EIF4A3: variants seen among roughly 807,000 people sequenced by gnomAD.
EIF4A3 encodes the protein eukaryotic translation initiation factor 4A3.
Under a neutral mutation model 55.6 loss-of-function variants are expected in EIF4A3, and 1 was observed. That is an observed-to-expected ratio of 0.02 (90% CI 0.01 to 0.09). EIF4A3 has a LOEUF of 0.09. EIF4A3 is among the 10% of genes least tolerant of loss of function. The probability of loss-of-function intolerance (pLI) is 1.00; values close to 1 mark genes in which losing one functional copy is unlikely to be tolerated. For missense variants in EIF4A3, 221 were observed against 540.7 expected, an observed-to-expected ratio of 0.41 and a Z score of 5.86; for synonymous variants, 194 against 196.3, an observed-to-expected ratio of 0.99 and a Z score of 0.10.
At chr17:80,136,410 AT>A in intron 9 of EIF4A3, 75 bp from the exon 10 acceptor site, 1 of 1,234,134 alleles carries the variant, frequency 8.1e-7, no homozygotes, top group Non-Finnish European at 1.1e-6. Context: ...TCCATTGCTA[AT>A]TTTAAGGAAT....
intron 7 of EIF4A3, 46 bp downstream of exon 7, chr17:80,138,975 A>G (rs1330317547): frequency 6.3e-7 from 1 of 1,599,358 alleles, no homozygotes; most frequent in South Asian, 1.1e-5. Context: ...AATCCTTTAT[A>G]AATGCGGCCC....
rs780769222 is a variant in EIF4A3 at position 80,135,444 on chromosome 17, G to A, written c.*46C>T. 1.3e-6 allele frequency: 2 copies of A among 1,542,678 alleles called. No individual in the cohort carries two copies. Among genetic ancestry groups the A allele is most frequent in the East Asian group, 2.4e-5 (1 of 41,086 alleles). On this transcript the variant is annotated 3_prime_UTR_variant, in exon 12 of 12. Transcript: ENST00000649764. ...TGGATCTAAATACTTCCAAACAGGA[G>A]TACACAGCAGGTGAACAGTCTCCCT...
intron 2 of EIF4A3, 56 bp from the exon 3 acceptor site, chr17:80,141,904 T>G (rs1457494930): frequency 1.4e-6 from 2 of 1,479,832 alleles, no homozygotes; most frequent in Admixed American, 1.7e-5. Flanking sequence ...ACGCCACAGC[T>G]GCACTCCAAG....
At chr17:80,139,890 GTGAC>G in intron 5 of EIF4A3, 114 bp downstream of exon 5, 1 of 1,517,344 alleles carries the variant, frequency 6.6e-7, no homozygotes, top group Non-Finnish European at 8.9e-7. Flanking sequence ...CCTCCTGCAA[GTGAC>G]CCAGGTGCAA....
At chr17:80,146,760 C>G (rs1338814227) in intron 1 of EIF4A3, 33 bp downstream of exon 1, 1 of 1,595,402 alleles carries the variant, frequency 6.3e-7, no homozygotes, top group East Asian at 2.3e-5. Context: ...CCGACTCGCC[C>G]CCGGCTGGCC....
At chr17:80,145,770 C>G (rs375137679) in intron 1 of EIF4A3, among the ~76,000 whole-genome samples, 62 of 152,194 alleles carry the variant, frequency 4.1e-4, no homozygotes, top group African/African-American at 1.4e-3. Flanking sequence ...GGAGTGCTGC[C>G]TACCTAGCCA....
intron 2 of EIF4A3, 141 bp downstream of exon 2, chr17:80,144,031 T>C: frequency 1.3e-6 from 1 of 775,334 alleles, no homozygotes; most frequent in Non-Finnish European, 2.2e-6. Flanking sequence ...TAAAAAAGTA[T>C]TAAACCCTGT....
At chr17:80,142,376 T>C (rs1389796849) in intron 2 of EIF4A3, among the ~76,000 whole-genome samples, 1 of 152,106 alleles carries the variant, frequency 6.6e-6, no homozygotes, top group Non-Finnish European at 1.5e-5. Flanking sequence ...GGAAACAATC[T>C]CTCTGACCTT....
At chr17:80,141,455 A>G in intron 3 of EIF4A3, 74 bp from the exon 4 acceptor site, 2 of 1,414,180 alleles carry the variant, frequency 1.4e-6, no homozygotes, top group Non-Finnish European at 2.0e-6. Context: ...TCACACTCAG[A>G]TCTATATGAG....
In EIF4A3 at chr17:80,140,803, AT is replaced by A. The variant is rs906468662; in HGVS notation, c.372+515del. Among the ~76,000 whole-genome samples the A allele has an allele frequency of 1.2e-4, 18 of 149,894 alleles. No individual in the cohort carries two copies. The East Asian group carries it at 2.5e-3, about 21-fold the overall frequency. ...GTTAAGTATAAAATGGGTACAATTT[AT>A]TTTTTTTTTGAGACAGAGTTTCACT... On this transcript the variant is annotated intron_variant, in intron 4 of 11. Transcript: ENST00000649764.
chr17:80,146,973 C>T lies in EIF4A3; in HGVS notation c.-12G>A, dbSNP rs1278581332. ...GCCGTGGTCGCCATGATTCAGAGTC[C>T]GCGGAAGAGCACAGCGCGCGCCGCT... On this transcript the variant is annotated 5_prime_UTR_variant, in exon 1 of 12. Transcript: ENST00000649764. 7.5e-6 allele frequency: 12 copies of T among 1,597,100 alleles called. No individual in the cohort carries two copies. The highest frequency in any genetic ancestry group is 1.4e-5 in the African/African-American group (1 of 72,824).
chr17:80,144,135 T>A (rs1172192829), intron 2 of EIF4A3, 37 bp downstream of exon 2: 28 of 1,608,746 alleles, frequency 1.7e-5, no homozygotes, highest in Non-Finnish European at 2.3e-5. Flanking sequence ...TGCCCAAATT[T>A]ACATCCAGCC....
At chr17:80,144,269 C>T (rs1037579357) in intron 1 of EIF4A3, 25 bp from the exon 2 acceptor site, 2 of 1,611,340 alleles carry the variant, frequency 1.2e-6, no homozygotes, top group African/African-American at 1.3e-5. Context: ...AAAAAATTAG[C>T]CCTCACCACA....
chr17:80,138,800 T>G (rs2039594227), intron 7 of EIF4A3: 1 of 576,774 alleles, frequency 1.7e-6, no homozygotes, highest in African/African-American at 1.9e-5. Flanking sequence ...CTCTATATGT[T>G]GCCCAGCCTA....
At chr17:80,135,599 TCAAAA>T (rs2143980916) in intron 11 of EIF4A3, 93 bp from the exon 12 acceptor site, 1 of 1,209,044 alleles carries the variant, frequency 8.3e-7, no homozygotes, top group Non-Finnish European at 1.2e-6. Flanking sequence ...AACAGACTTC[TCAAAA>T]CAAAAAACAG....
Position 80,140,921 on chromosome 17 carries a change from A to G in EIF4A3, c.372+398T>C, listed in dbSNP as rs1180815930. Among the ~76,000 whole-genome samples the G allele has an allele frequency of 1.1e-4, 16 of 151,908 alleles. No individual in the cohort carries two copies. In the South Asian group the frequency reaches 3.1e-3, roughly 30 times the overall value. On this transcript the variant is annotated intron_variant, in intron 4 of 11. Transcript: ENST00000649764. ...AAGTGATTCTCCTGCTCAGCCACCC[A>G]AGTAGCTGGGATTACAGGCGCCTGC...
At position 80,135,522 on chromosome 17, in the gene EIF4A3, G is replaced by T. The variant is rs2039563311; in HGVS notation, c.1220-16C>A. The T allele has an allele frequency of 2.6e-6, 4 of 1,552,664 alleles. No individual in the cohort carries two copies. Among genetic ancestry groups the T allele is most frequent in the African/African-American group, 1.4e-5 (1 of 73,210 alleles). ...AGATCAGCAACTGAAAGTGAAGAAA[G>T]AAACAGATTAAGGAACAACACAAAC... On this transcript the variant is annotated splice_polypyrimidine_tract_variant and intron_variant, in intron 11 of 11. Transcript: ENST00000649764.
At position 80,137,433 on chromosome 17, in the gene EIF4A3, G is replaced by A. The variant is rs990786436; in HGVS notation, c.936C>T (p.Pro312=). 1.2e-6 allele frequency: 2 copies of A among 1,613,892 alleles called. No individual in the cohort carries two copies. Among genetic ancestry groups the A allele is most frequent in the Admixed American group, 3.3e-5 (2 of 59,988 alleles). Residue 312 remains proline (P), a synonymous_variant, in exon 9 of 12, where the codon CCC becomes CCT. Coordinates refer to ENST00000649764, the MANE Select transcript of EIF4A3 (RefSeq NM_014740.4). ...TCATGATGGACTCCCGCTCTTTCTG[G>A]GGCATGTCTCCATGCATTGAGGATA... ...FTVSSMHGDM[P]QKERESIMKE...
intron 2 of EIF4A3, 23 bp from the exon 3 acceptor site, chr17:80,141,871 T>C: frequency 6.2e-7 from 1 of 1,611,108 alleles, no homozygotes; most frequent in Non-Finnish European, 8.5e-7. Context: ...ACAAAAGCAG[T>C]GGGATTAGAG....
Sources: allele counts gnomAD v4.1 joint callset (sites outside exome capture counted in the v4.1 genomes callset), GRCh38; gene constraint gnomAD v4.1.1; transcripts MANE v1.5; gene names NCBI Gene and HGNC (gene_info 2026-07-23, HGNC 2026-07-21).